The following ACVR2A variants were observed in gnomAD, a reference collection of about 807,000 sequenced individuals.
The protein encoded by ACVR2A is activin A receptor type 2A.
In ACVR2A, 7 loss-of-function variants were observed where a neutral mutation model predicts 61.4. The observed-to-expected ratio is 0.11, with a 90% CI of 0.06 to 0.21. The LOEUF is 0.21. Among genes scored for constraint, ACVR2A ranks in the 10% least tolerant of loss-of-function variants. The pLI, the probability that ACVR2A is intolerant of heterozygous loss-of-function variation, is 1.00. For synonymous variants in ACVR2A, 193 were observed against 208.3 expected, an observed-to-expected ratio of 0.93 and a Z score of 0.63; for missense variants, 322 against 621.7, an observed-to-expected ratio of 0.52 and a Z score of 5.13.
intron 1 of ACVR2A, among the ~76,000 whole-genome samples, chr2:147,875,881 T>C (rs1382739068): frequency 6.6e-6 from 1 of 152,088 alleles, no homozygotes; most frequent in East Asian, 1.9e-4. Context: ...AGGAAGATCA[T>C]AGGACATGTA....
intron 1 of ACVR2A, among the ~76,000 whole-genome samples, chr2:147,874,862 A>G (rs1287431076): frequency 6.6e-6 from 1 of 151,956 alleles, no homozygotes; most frequent in African/African-American, 2.4e-5. Context: ...GTTTAAGTTA[A>G]AAGATATTTG....
chr2:147,920,559 G>A (rs1687355260), intron 8 of ACVR2A, among the ~76,000 whole-genome samples: 2 of 152,208 alleles, frequency 1.3e-5, no homozygotes, highest in South Asian at 2.1e-4. Flanking sequence ...TTAGACACAC[G>A]TCATAGGATT....
chr2:147,894,610 T>C (rs1185289555), intron 1 of ACVR2A, among the ~76,000 whole-genome samples: 1 of 152,144 alleles, frequency 6.6e-6, no homozygotes, highest in Non-Finnish European at 1.5e-5. Context: ...TTTATTGATA[T>C]CACCACTGAT....
intron 1 of ACVR2A, among the ~76,000 whole-genome samples, chr2:147,880,872 A>G (rs950825823): frequency 1.3e-5 from 2 of 152,134 alleles, no homozygotes; most frequent in African/African-American, 4.8e-5. Flanking sequence ...ACCAGAATAG[A>G]TTTCAAAGTG....
chr2:147,873,122 A>G (rs546505026), intron 1 of ACVR2A, among the ~76,000 whole-genome samples: 1 of 152,066 alleles, frequency 6.6e-6, no homozygotes, highest in African/African-American at 2.4e-5. Flanking sequence ...GATTGAACAG[A>G]TAGAGTGGCT....
In ACVR2A at chr2:147,864,386, C is replaced by T. The variant is rs368556148; in HGVS notation, c.55+19179C>T. 8.5e-5 allele frequency among the ~76,000 whole-genome samples: 13 copies of T among 152,164 alleles called. No individual in the cohort carries two copies. The East Asian group carries it at 9.7e-4, about 11-fold the overall frequency. Reference sequence around the variant, plus strand: ...CTGGGATTACATGCGCGCTCTACAACGCCCCGCTAATTTTTTTTGTATTTT... The same window carrying T: ...CTGGGATTACATGCGCGCTCTACAATGCCCCGCTAATTTTTTTTGTATTTT... On this transcript the variant is annotated intron_variant, in intron 1 of 10. Coordinates refer to ENST00000241416, the MANE Select transcript of ACVR2A (RefSeq NM_001616.5).
chr2:147,892,843 T>C (rs1686621124), intron 1 of ACVR2A, among the ~76,000 whole-genome samples: 1 of 152,096 alleles, frequency 6.6e-6, no homozygotes, highest in Admixed American at 6.5e-5. Flanking sequence ...CTGTTTTTCT[T>C]TGATATCATA....
At chr2:147,878,380 G>A (rs967251467) in intron 1 of ACVR2A, among the ~76,000 whole-genome samples, 2 of 151,642 alleles carry the variant, frequency 1.3e-5, no homozygotes, top group African/African-American at 2.4e-5. Flanking sequence ...ATTGTTGAAA[G>A]GTGTTGGGTT....
At chr2:147,876,822 CT>C (rs1466354188) in intron 1 of ACVR2A, among the ~76,000 whole-genome samples, 1 of 152,160 alleles carries the variant, frequency 6.6e-6, no homozygotes, top group African/African-American at 2.4e-5. Flanking sequence ...TTGGTGACCC[CT>C]GACTCATCTG....
At chr2:147,923,295 T>C (rs1322954656) in intron 9 of ACVR2A, among the ~76,000 whole-genome samples, 184 bp downstream of exon 9, 1 of 151,960 alleles carries the variant, frequency 6.6e-6, no homozygotes, top group Non-Finnish European at 1.5e-5. Flanking sequence ...AATTGCTATG[T>C]ATTGATCCTT....
In ACVR2A at chr2:147,919,976, C is replaced by A. The variant is rs966364404; in HGVS notation, c.963-254C>A. Among the ~76,000 whole-genome samples, 7 of 151,972 alleles carry A rather than the reference C, an allele frequency of 4.6e-5. No individual in the cohort carries two copies. The South Asian group carries it at 6.2e-4, about 14-fold the overall frequency. ...TAGATAACATATCTTTTTGGTATGGCAGATTTTTATATAACTGCTTTATAG... is the reference window on the plus strand; with the variant it reads ...TAGATAACATATCTTTTTGGTATGGAAGATTTTTATATAACTGCTTTATAG... On this transcript the variant is annotated intron_variant, in intron 7 of 10. Coordinates refer to ENST00000241416, the MANE Select transcript of ACVR2A (RefSeq NM_001616.5).
At chr2:147,866,999 A>G (rs1475095686) in intron 1 of ACVR2A, among the ~76,000 whole-genome samples, 2 of 152,154 alleles carry the variant, frequency 1.3e-5, no homozygotes, top group Admixed American at 1.3e-4. Context: ...AGAGAAGATC[A>G]AGGTGTGTCC....
intron 1 of ACVR2A, among the ~76,000 whole-genome samples, chr2:147,892,224 C>T (rs1686605139): frequency 6.6e-6 from 1 of 152,076 alleles, no homozygotes; most frequent in South Asian, 2.1e-4. Flanking sequence ...CCTGCCTCGG[C>T]TTCCCAAAGT....
chr2:147,887,225 A>T (rs1686462764), intron 1 of ACVR2A, among the ~76,000 whole-genome samples: 1 of 151,970 alleles, frequency 6.6e-6, no homozygotes, highest in South Asian at 2.1e-4. Context: ...AAAAAAAAAA[A>T]GTTTAAAGAA....
In ACVR2A at chr2:147,927,212, A is replaced by AT; in HGVS notation, c.1482dup (p.Val495CysfsTer11). The AT allele has an allele frequency of 6.2e-7, 1 of 1,612,268 alleles. No homozygotes were observed. Among genetic ancestry groups the AT allele is most frequent in the Non-Finnish European group, 8.5e-7 (1 of 1,178,786 alleles). On this transcript the variant is annotated frameshift_variant, in exon 11 of 11. Coordinates refer to ENST00000241416, the MANE Select transcript of ACVR2A (RefSeq NM_001616.5). LOFTEE classifies it high-confidence loss of function. ...AACAAATATTATTACCACAGAGGAC[A>AT]TTGTAACAGTGGTCACAATGGTGAC...
intron 1 of ACVR2A, among the ~76,000 whole-genome samples, chr2:147,870,040 G>T (rs1558964596): frequency 6.6e-6 from 1 of 150,588 alleles, no homozygotes; most frequent in African/African-American, 2.4e-5. Context: ...GTATGAAGGG[G>T]TATAGGTGGG....
intron 1 of ACVR2A, among the ~76,000 whole-genome samples, chr2:147,849,383 C>A (rs1306800390): frequency 6.6e-6 from 1 of 152,048 alleles, no homozygotes; most frequent in Non-Finnish European, 1.5e-5. Context: ...TGAATAGTTT[C>A]AAGGTAGAAA....
chr2:147,851,643 C>T (rs1685454392), intron 1 of ACVR2A, among the ~76,000 whole-genome samples: 1 of 152,080 alleles, frequency 6.6e-6, no homozygotes, highest in Middle Eastern at 3.2e-3. Context: ...GAAACATTTT[C>T]TCTGTCACTC....
intron 4 of ACVR2A, among the ~76,000 whole-genome samples, chr2:147,911,109 T>C (rs1469760496): frequency 6.6e-6 from 1 of 152,148 alleles, no homozygotes; most frequent in African/African-American, 2.4e-5. Context: ...GGCTGCTAGC[T>C]CGTTTTTGCT....
Sources: gnomAD v4.1 joint callset for allele counts (sites outside exome capture counted in the v4.1 genomes callset) on GRCh38, gnomAD v4.1.1 for gene constraint, MANE v1.5 for transcripts, NCBI Gene and HGNC (gene_info 2026-07-23, HGNC 2026-07-21) for gene names.